Variants in LVRN observed in about 807,000 individuals in gnomAD.
The protein encoded by LVRN is aminopeptidase Q.
Under a neutral mutation model 111.4 loss-of-function variants are expected in LVRN, and 99 were observed. The ratio of observed to expected loss-of-function variants is 0.89; its 90% CI spans 0.76 to 1.05. The LOEUF is 1.05. LVRN is among the 50% of genes least tolerant of loss of function. LVRN has a pLI of 0.00. For synonymous variants in LVRN, 488 were observed against 449.5 expected (o/e 1.09, Z -1.08); for missense variants, 1,414 against 1,206.8 (o/e 1.17, Z -2.54).
At chr5:116,006,030 G>C in intron 13 of LVRN, 63 bp downstream of exon 13, 1 of 1,310,060 alleles carries the variant, frequency 7.6e-7, no homozygotes, top group Non-Finnish European at 1.1e-6. Flanking sequence ...AAAAATAATA[G>C]CTTCATCACT....
chr5:115,975,291 G>A, intron 1 of LVRN: 2 of 356,056 alleles, frequency 5.6e-6, no homozygotes, highest in Admixed American at 3.3e-5. Flanking sequence ...CACTTCTCAG[G>A]CTGACAAAGT....
At chr5:115,975,527 A>G (rs1753426434) in intron 1 of LVRN, 1 of 162,104 alleles carries the variant, frequency 6.2e-6, no homozygotes. Context: ...AGTCCAGATG[A>G]ATATATCCAG....
At position 115,963,006 on chromosome 5, in the gene LVRN, G is replaced by T. The variant is rs1753120230; in HGVS notation, c.389G>T (p.Arg130Leu). ...GCCGGGTCTTTGCCCTTCACTGGCC[G>T]CGTGAACATCACGGTGCGCTGCACG... ...LPAGSLPFTG[R>L]VNITVRCTVA... The change falls in exon 1 of 20, where the codon CGC (arginine) becomes CTC (leucine). Residue 130 changes from arginine to leucine, a missense_variant. Transcript: ENST00000357872. 6.2e-7 allele frequency: 1 copy of T among 1,613,564 alleles called. No individual in the cohort carries two copies. The highest frequency in any genetic ancestry group is 2.2e-5 in the East Asian group (1 of 44,860).
In LVRN at chr5:115,968,453, T is replaced by G. The variant is rs1389510422; in HGVS notation, c.695+5141T>G. 5.6e-5 allele frequency among the ~76,000 whole-genome samples: 6 copies of G among 107,824 alleles called. No homozygotes were observed. In the Admixed American group the frequency reaches 5.8e-4, roughly 10 times the overall value. 70.7% of individuals were successfully genotyped at this position (107,824 alleles called of 152,430 possible). A position where few individuals can be genotyped will look rare whatever the true frequency, so the allele number is the denominator to read the frequency against. On this transcript the variant is annotated intron_variant, in intron 1 of 19. Coordinates refer to ENST00000357872, the MANE Select transcript of LVRN (RefSeq NM_173800.5). ...TTCCCCACCCTTTTTTTTTTTTTTT[T>G]TCAGAGATGGGATCTCACTCTGTCA...
chr5:115,968,595 C>G (rs770455017), intron 1 of LVRN, among the ~76,000 whole-genome samples: 10 of 151,934 alleles, frequency 6.6e-5, no homozygotes, highest in Non-Finnish European at 1.3e-4. Context: ...CCCATCTGGT[C>G]CCCCACCCTT....
intron 1 of LVRN, among the ~76,000 whole-genome samples, chr5:115,982,220 A>G (rs1010668341): frequency 2.0e-4 from 30 of 152,206 alleles, no homozygotes; most frequent in Non-Finnish European, 1.3e-4. Context: ...GCACGTGCCA[A>G]CCGTCCTATG....
At chr5:115,972,649 G>A (rs893818392) in intron 1 of LVRN, among the ~76,000 whole-genome samples, 2 of 151,846 alleles carry the variant, frequency 1.3e-5, no homozygotes, top group Admixed American at 6.6e-5. Flanking sequence ...AGTAAGTAAA[G>A]ATATTCTAGT....
chr5:115,983,512 AGTGTATTATG>A, intron 2 of LVRN, 83 bp downstream of exon 2: 1 of 1,440,854 alleles, frequency 6.9e-7, no homozygotes, highest in Non-Finnish European at 9.3e-7. Flanking sequence ...TTTTCTAGGC[AGTGTATTATG>A]GTGTATTATA....
chr5:115,995,316 TA>T (rs1407205190), intron 6 of LVRN: 1 of 152,208 alleles, frequency 6.6e-6, no homozygotes, highest in African/African-American at 2.4e-5. Context: ...AATCTCTTTT[TA>T]TCTGTTTGTG....
At chr5:115,993,470 G>C (rs1417609254) in intron 5 of LVRN, among the ~76,000 whole-genome samples, 2 of 152,120 alleles carry the variant, frequency 1.3e-5, no homozygotes, top group African/African-American at 2.4e-5. Flanking sequence ...TGCTATTCTA[G>C]CTGACCTTAT....
chr5:115,983,370 T>C lies in LVRN; in HGVS notation c.779T>C (p.Phe260Ser). The change falls in exon 2 of 20, where the codon TTT (phenylalanine) becomes TCT (serine). Residue 260 changes from phenylalanine to serine, a missense_variant. By Grantham distance (155) the Phe-to-Ser change is radical. Transcript: ENST00000357872. ...GATGAGCCAGCTCTGAAGGCAACTT[T>C]TAATATTACAATGATTCATCATCCA... is the stretch of plus-strand genomic sequence containing the variant. ...CFDEPALKATFNITMIHHPSY... is the reference protein window; with the variant it reads ...CFDEPALKATSNITMIHHPSY... 1 of 1,611,134 alleles carries C rather than the reference T, an allele frequency of 6.2e-7. No homozygotes were observed. Among genetic ancestry groups the C allele is most frequent in the Non-Finnish European group, 8.5e-7 (1 of 1,179,142 alleles).
intron 1 of LVRN, among the ~76,000 whole-genome samples, chr5:115,974,134 C>T (rs1158194879): frequency 6.6e-6 from 1 of 152,164 alleles, no homozygotes; most frequent in Non-Finnish European, 1.5e-5. Context: ...TTTACTACTT[C>T]ATCTAGTCTC....
intron 1 of LVRN, 61 bp from the exon 2 acceptor site, chr5:115,983,225 GT>G: frequency 2.7e-6 from 4 of 1,460,444 alleles, no homozygotes; most frequent in Non-Finnish European, 2.7e-6. Context: ...ATCTCTCAAT[GT>G]TTTTTTATTC....
chr5:116,002,537 A>T (rs7701550), intron 10 of LVRN, among the ~76,000 whole-genome samples: 30,561 of 152,180 alleles, frequency 0.2, 4,093 homozygotes, highest in Non-Finnish European at 0.29. Context: ...CCAGGTGTCT[A>T]TAATTTAACA....
chr5:116,014,564 T>C (rs959074884), intron 16 of LVRN, 37 bp downstream of exon 16: 4 of 1,539,920 alleles, frequency 2.6e-6, no homozygotes, highest in Admixed American at 3.4e-5. Flanking sequence ...GTTTTTGTCC[T>C]ATTTTAGCAC....
In LVRN at chr5:115,994,171, A is replaced by T. The variant is rs572647906; in HGVS notation, c.1374+317A>T. ...TTTCTACAAATCATTAGATCTTTTT[A>T]AAAAAGATTTTAAATGACTGCCTAA... On this transcript the variant is annotated intron_variant, in intron 6 of 19. Coordinates refer to ENST00000357872, the MANE Select transcript of LVRN (RefSeq NM_173800.5). Among the ~76,000 whole-genome samples the T allele has an allele frequency of 7.2e-5, 11 of 152,184 alleles. No individual in the cohort carries two copies. In the East Asian group the frequency reaches 7.7e-4, roughly 11 times the overall value.
intron 4 of LVRN, among the ~76,000 whole-genome samples, chr5:115,991,646 T>G (rs931092104): frequency 3.9e-5 from 6 of 152,236 alleles, no homozygotes; most frequent in Non-Finnish European, 8.8e-5. Flanking sequence ...AGAGTTCCTG[T>G]TGCTCCACAT....
chr5:115,994,661 GA>G (rs1472771793), intron 6 of LVRN, among the ~76,000 whole-genome samples: 2 of 151,968 alleles, frequency 1.3e-5, no homozygotes, highest in Non-Finnish European at 2.9e-5. Context: ...TATTATTGCT[GA>G]TATTGTTTTG....
chr5:115,969,105 CT>C (rs1334929720), intron 1 of LVRN, among the ~76,000 whole-genome samples: 1 of 152,190 alleles, frequency 6.6e-6, no homozygotes, highest in East Asian at 1.9e-4. Context: ...TTTCTCTCCT[CT>C]TTCTCAATAT....
Sources: gnomAD v4.1 joint callset for allele counts (sites outside exome capture counted in the v4.1 genomes callset) on GRCh38, gnomAD v4.1.1 for gene constraint, MANE v1.5 for transcripts, NCBI Gene and HGNC (gene_info 2026-07-23, HGNC 2026-07-21) for gene names.